The following LRRC7 variants were observed in gnomAD, a reference collection of about 807,000 sequenced individuals.
LRRC7 encodes the protein leucine-rich repeat-containing protein 7.
Under a neutral mutation model 175.7 loss-of-function variants are expected in LRRC7, and 23 were observed. That is an observed-to-expected ratio of 0.13 (90% confidence interval 0.09 to 0.19). LRRC7 has a LOEUF of 0.19. Among genes scored for constraint, LRRC7 ranks in the 10% least tolerant of loss-of-function variants. The pLI, the probability that LRRC7 is intolerant of heterozygous loss-of-function variation, is 1.00. For missense variants in LRRC7, 1,354 were observed against 1,904.7 expected (o/e 0.71, Z 5.38); for synonymous variants, 685 against 680.9 (o/e 1.01, Z -0.09).
intron 8 of LRRC7, among the ~76,000 whole-genome samples, chr1:69,933,585 G>A (rs191651814): frequency 1.3e-5 from 2 of 152,124 alleles, no homozygotes; most frequent in African/African-American, 4.8e-5. Flanking sequence ...ATACAGTAAG[G>A]GCATCAGTCT....
At chr1:69,734,670 T>A (rs1355562806) in intron 2 of LRRC7, among the ~76,000 whole-genome samples, 1 of 151,936 alleles carries the variant, frequency 6.6e-6, no homozygotes, top group African/African-American at 2.4e-5. Context: ...GGATAGATTT[T>A]TATGGGTAGA....
At chr1:69,849,048 T>C (rs1429687390) in intron 7 of LRRC7, among the ~76,000 whole-genome samples, 1 of 152,108 alleles carries the variant, frequency 6.6e-6, no homozygotes, top group African/African-American at 2.4e-5. Flanking sequence ...CCTTTTGCTT[T>C]AAATTTAGCC....
In LRRC7 at chr1:69,774,247, G is replaced by A. The variant is rs553920108; in HGVS notation, c.303+13854G>A. Among the ~76,000 whole-genome samples the A allele has an allele frequency of 3.3e-5, 5 of 152,148 alleles. No homozygotes were observed. The South Asian group carries it at 6.2e-4, about 19-fold the overall frequency. On this transcript the variant is annotated intron_variant, in intron 3 of 26. Transcript: ENST00000651989. ...GCTATACAGGGCACAGGAGTGAATT[G>A]GTCTAGAATAAAATGTAGACCTACC...
At chr1:69,640,299 C>A (rs1654007116) in intron 1 of LRRC7, among the ~76,000 whole-genome samples, 1 of 151,596 alleles carries the variant, frequency 6.6e-6, no homozygotes, top group African/African-American at 2.4e-5. Flanking sequence ...TTACATATAA[C>A]ACACAATTAA....
rs1344221876 is a variant in LRRC7 at position 70,130,623 on chromosome 1, A to G, written c.*8736A>G. On this transcript the variant is annotated 3_prime_UTR_variant, in exon 27 of 27. Coordinates refer to ENST00000651989, the MANE Select transcript of LRRC7 (RefSeq NM_001370785.2). The stretch of plus-strand genomic sequence containing the variant: ...GTTCTAAGGACCTTAACACTATCCA[A>G]AAAGTAACACCATTCAAAAAGTTTA... Among the ~76,000 whole-genome samples the G allele has an allele frequency of 6.6e-6, 1 of 152,194 alleles. No homozygotes were observed. The highest frequency in any genetic ancestry group is 1.5e-5 in the Non-Finnish European group (1 of 68,032).
chr1:69,574,958 T>A (rs954031679), intron 1 of LRRC7, among the ~76,000 whole-genome samples: 2 of 152,152 alleles, frequency 1.3e-5, no homozygotes, highest in African/African-American at 4.8e-5. Context: ...ATTAGCGAAG[T>A]CCTTAGGCTA....
chr1:69,691,797 CAAAAAAAAAAAAAA>C (rs57676937), intron 2 of LRRC7, among the ~76,000 whole-genome samples: 17 of 85,214 alleles, frequency 2.0e-4, no homozygotes, highest in Admixed American at 8.7e-4. Flanking sequence ...GACCCTGTCT[CAAAAAAAAAAAAAA>C]AAAAAAAAAA....
At chr1:70,109,257 G>T (rs557596186) in intron 26 of LRRC7, among the ~76,000 whole-genome samples, 1 of 152,178 alleles carries the variant, frequency 6.6e-6, no homozygotes, top group Admixed American at 6.5e-5. Flanking sequence ...CCCAACCTCA[G>T]GTGGTCTGCC....
In LRRC7 at chr1:70,136,195, C is replaced by T. The variant is rs1470048158; in HGVS notation, c.*14308C>T. On this transcript the variant is annotated 3_prime_UTR_variant, in exon 27 of 27. Coordinates refer to ENST00000651989, the MANE Select transcript of LRRC7 (RefSeq NM_001370785.2). ...CCTGTCACCTAGGGCCCTAGGTCAT[C>T]ATAAACTACTCAAAGTGAAGGGACT... 1.3e-5 allele frequency among the ~76,000 whole-genome samples: 2 copies of T among 151,420 alleles called. No homozygotes were observed. The highest frequency in any genetic ancestry group is 2.9e-5 in the Non-Finnish European group (2 of 67,928).
chr1:69,602,974 G>A (rs900814255), intron 1 of LRRC7, among the ~76,000 whole-genome samples: 1 of 152,182 alleles, frequency 6.6e-6, no homozygotes, highest in African/African-American at 2.4e-5. Flanking sequence ...CTAGGTTTGT[G>A]TGAGTACACT....
chr1:70,047,869 G>T (rs972544336), intron 22 of LRRC7, among the ~76,000 whole-genome samples: 1 of 151,840 alleles, frequency 6.6e-6, no homozygotes, highest in African/African-American at 2.4e-5. Context: ...AGATGCTTAT[G>T]CTAATTTCCC....
At chr1:69,916,181 T>TAATA (rs1471354328) in intron 7 of LRRC7, among the ~76,000 whole-genome samples, 1 of 141,560 alleles carries the variant, frequency 7.1e-6, no homozygotes, top group South Asian at 2.1e-4. Context: ...ATAATATATA[T>TAATA]TACATACATA....
intron 11 of LRRC7, among the ~76,000 whole-genome samples, chr1:69,999,799 AT>A (rs901434048): frequency 6.2e-4 from 94 of 151,874 alleles, no homozygotes; most frequent in Admixed American, 1.2e-3. Context: ...TCTTCCAGAA[AT>A]TTTTTTTTGA....
chr1:69,630,734 C>A (rs1414122947), intron 1 of LRRC7, among the ~76,000 whole-genome samples: 1 of 151,626 alleles, frequency 6.6e-6, no homozygotes. Flanking sequence ...TTTCTTGGAG[C>A]CATTTGTGAA....
chr1:69,796,085 A>T (rs1251581512), intron 4 of LRRC7, among the ~76,000 whole-genome samples: 1 of 149,036 alleles, frequency 6.7e-6, no homozygotes. Context: ...AGCATTAGGT[A>T]TATTTCCCAA....
intron 7 of LRRC7, among the ~76,000 whole-genome samples, chr1:69,865,579 C>G (rs867004073): frequency 2.7e-5 from 4 of 147,536 alleles, no homozygotes; most frequent in African/African-American, 1.0e-4. Context: ...CTCCCGGGTT[C>G]ACGCCATTCT....
chr1:69,877,102 G>C (rs531703222), intron 7 of LRRC7, among the ~76,000 whole-genome samples: 4 of 152,262 alleles, frequency 2.6e-5, no homozygotes, highest in African/African-American at 9.6e-5. Flanking sequence ...CACGAGGAAG[G>C]AGTAACCATG....
At chr1:69,591,280 T>C (rs1008958074) in intron 1 of LRRC7, among the ~76,000 whole-genome samples, 4 of 152,124 alleles carry the variant, frequency 2.6e-5, no homozygotes, top group Admixed American at 1.3e-4. Context: ...GTTCAGTTAC[T>C]GTGGAAGAGC....
intron 7 of LRRC7, among the ~76,000 whole-genome samples, chr1:69,882,349 C>T (rs1268895553): frequency 6.6e-6 from 1 of 152,040 alleles, no homozygotes; most frequent in Non-Finnish European, 1.5e-5. Context: ...CCAGCAATTC[C>T]CCTTCTGTAT....
Sources: allele counts gnomAD v4.1 joint callset (sites outside exome capture counted in the v4.1 genomes callset), GRCh38; gene constraint gnomAD v4.1.1; transcripts MANE v1.5; gene names NCBI Gene and HGNC (gene_info 2026-07-23, HGNC 2026-07-21).